Variants in SMG7 observed in about 807,000 individuals in gnomAD.
SMG7 encodes the protein SMG7 nonsense mediated mRNA decay factor.
Under a neutral mutation model 148.2 loss-of-function variants are expected in SMG7, and 34 were observed. The observed-to-expected ratio is 0.23, with a 90% CI of 0.17 to 0.31. The LOEUF is 0.31. Among genes scored for constraint, SMG7 ranks in the 10% least tolerant of loss-of-function variants. The probability of loss-of-function intolerance (pLI) is 1.00; values close to 1 mark genes in which losing one functional copy is unlikely to be tolerated. For synonymous variants in SMG7, 492 were observed against 515.1 expected (o/e 0.96, Z 0.61); for missense variants, 1,114 against 1,408.4 (o/e 0.79, Z 3.35).
At chr1:183,479,538 A>G (rs1048639719) in intron 1 of SMG7, among the ~76,000 whole-genome samples, 6 of 152,232 alleles carry the variant, frequency 3.9e-5, no homozygotes, top group Middle Eastern at 6.8e-3. Context: ...TAAGCCACAG[A>G]TTGGATTTTC....
chr1:183,539,488 C>T (rs1668411888), intron 12 of SMG7, among the ~76,000 whole-genome samples: 1 of 152,160 alleles, frequency 6.6e-6, no homozygotes, highest in South Asian at 2.1e-4. Context: ...TTAATCAAAT[C>T]CATCCCTATG....
chr1:183,517,285 C>T lies in SMG7; in HGVS notation c.180-403C>T, dbSNP rs535953129. Among the ~76,000 whole-genome samples the T allele has an allele frequency of 3.9e-5, 6 of 152,270 alleles. No individual in the cohort carries two copies. In the South Asian group the frequency reaches 1.0e-3, roughly 26 times the overall value. ...GGCTTACTATTTACAAAATCCCTGC[C>T]CCCATATACATGTCACTTGTTAGGG... On this transcript the variant is annotated intron_variant, in intron 3 of 22. Transcript: ENST00000688051.
At chr1:183,548,541 C>T (rs894085285) in intron 18 of SMG7, among the ~76,000 whole-genome samples, 8 of 151,826 alleles carry the variant, frequency 5.3e-5, no homozygotes, top group African/African-American at 2.4e-5. Context: ...AAAAAAACTT[C>T]GACTATAACC....
Position 183,551,284 on chromosome 1 carries a change from G to A in SMG7, c.3450+94G>A, listed in dbSNP as rs1210606852. 1.6e-5 allele frequency: 20 copies of A among 1,224,806 alleles called. No homozygotes were observed. The East Asian group carries it at 3.4e-4, about 21-fold the overall frequency. 75.9% of individuals were successfully genotyped at this position (1,224,806 alleles called of 1,614,324 possible). ...AAATAGCTAGACTTCTCAGGCCCTC[G>A]GAGTTGACTGATACATAGCACATAT... On this transcript the variant is annotated intron_variant, in intron 22 of 22. Coordinates refer to ENST00000688051, the MANE Select transcript of SMG7 (RefSeq NM_001375584.1).
Position 183,544,463 on chromosome 1 carries a change from C to G in SMG7, c.1953C>G (p.His651Gln). The G allele has an allele frequency of 1.2e-6, 2 of 1,613,944 alleles. No homozygotes were observed. The highest frequency in any genetic ancestry group is 1.7e-6 in the Non-Finnish European group (2 of 1,179,888). ...ACTCCCAGTTCATCCCCATTCATCACCCTGGAGCCTTCCCTCCTCTTCCCA... is the reference window on the plus strand; with the variant it reads ...ACTCCCAGTTCATCCCCATTCATCAGCCTGGAGCCTTCCCTCCTCTTCCCA... Reference protein sequence around the residue: ...ASNSQFIPIHHPGAFPPLPSR... With the variant: ...ASNSQFIPIHQPGAFPPLPSR... Residue 651 changes from histidine (H) to glutamine (Q), a missense_variant, in exon 15 of 23, where the codon CAC becomes CAG. By Grantham distance (24) the His-to-Gln change is conservative. Coordinates refer to ENST00000688051, the MANE Select transcript of SMG7 (RefSeq NM_001375584.1).
intron 22 of SMG7, 151 bp from the exon 23 acceptor site, chr1:183,551,667 T>C (rs1671076880): frequency 3.8e-6 from 2 of 531,446 alleles, no homozygotes; most frequent in African/African-American, 3.8e-5. Flanking sequence ...AAGAGTCTTA[T>C]AATGACTTTT....
At chr1:183,545,416 A>G in intron 16 of SMG7, 104 bp downstream of exon 16, 1 of 1,308,382 alleles carries the variant, frequency 7.6e-7, no homozygotes. Context: ...CTTCTTGCTT[A>G]GATTTATAGT....
chr1:183,478,520 G>A (rs540454860), intron 1 of SMG7, among the ~76,000 whole-genome samples: 30 of 152,014 alleles, frequency 2.0e-4, no homozygotes, highest in Non-Finnish European at 3.8e-4. Flanking sequence ...CCTATCTTAG[G>A]TTTCATTTCT....
chr1:183,493,952 T>C (rs911181266), intron 1 of SMG7, among the ~76,000 whole-genome samples: 15 of 152,144 alleles, frequency 9.9e-5, no homozygotes, highest in Non-Finnish European at 1.9e-4. Context: ...ATTATAGATT[T>C]ATCTATTTCT....
chr1:183,506,772 C>T (rs1400494263), intron 1 of SMG7, among the ~76,000 whole-genome samples: 2 of 151,672 alleles, frequency 1.3e-5, no homozygotes, highest in African/African-American at 4.8e-5. Context: ...CTGAATTCTG[C>T]TCAAAGGGGA....
intron 1 of SMG7, chr1:183,473,130 C>G (rs1557926890): frequency 5.9e-6 from 1 of 168,316 alleles, no homozygotes; most frequent in Non-Finnish European, 1.3e-5. Context: ...GGAGGGCAGA[C>G]AGGGGGAGAG....
intron 1 of SMG7, among the ~76,000 whole-genome samples, chr1:183,505,166 C>G (rs1004717323): frequency 2.0e-5 from 3 of 151,826 alleles, no homozygotes; most frequent in Admixed American, 2.0e-4. Context: ...ATCTCTGTCT[C>G]TTTACACAGT....
At chr1:183,507,660 G>T (rs1425057018) in intron 1 of SMG7, among the ~76,000 whole-genome samples, 1 of 152,076 alleles carries the variant, frequency 6.6e-6, no homozygotes, top group Admixed American at 6.5e-5. Flanking sequence ...GTACCTATAG[G>T]CACTATAATA....
At chr1:183,542,047 TA>T in intron 13 of SMG7, 28 bp from the exon 14 acceptor site, 1 of 1,558,572 alleles carries the variant, frequency 6.4e-7, no homozygotes. Context: ...TAATGTTTTT[TA>T]TATATGGATT....
intron 4 of SMG7, among the ~76,000 whole-genome samples, chr1:183,521,920 A>C (rs1393824594): frequency 6.6e-6 from 1 of 152,066 alleles, no homozygotes; most frequent in East Asian, 1.9e-4. Context: ...CAAAGGAAGA[A>C]CATGATCAGA....
intron 1 of SMG7, among the ~76,000 whole-genome samples, chr1:183,491,951 C>A (rs1267472951): frequency 6.6e-6 from 1 of 152,142 alleles, no homozygotes; most frequent in African/African-American, 2.4e-5. Context: ...GCAAAAAAGG[C>A]CGTACCTAAT....
At chr1:183,473,807 T>G (rs1027744782) in intron 1 of SMG7, 1 of 985,098 alleles carries the variant, frequency 1.0e-6, no homozygotes, top group African/African-American at 1.7e-5. Flanking sequence ...TTGGATGAGG[T>G]GGAAGTCTGA....
At chr1:183,512,445 TTGAA>T (rs1662356459) in intron 1 of SMG7, among the ~76,000 whole-genome samples, 1 of 152,000 alleles carries the variant, frequency 6.6e-6, no homozygotes, top group African/African-American at 2.4e-5. Context: ...GAGGGGAAAT[TTGAA>T]ATAGTTATGG....
chr1:183,502,411 G>A, intron 1 of SMG7: 2 of 1,517,804 alleles, frequency 1.3e-6, no homozygotes, highest in Non-Finnish European at 1.8e-6. Flanking sequence ...AAATTACAAG[G>A]GATTTCTACA....
Sources: gnomAD v4.1 joint callset for allele counts (sites outside exome capture counted in the v4.1 genomes callset) on GRCh38, gnomAD v4.1.1 for gene constraint, MANE v1.5 for transcripts, NCBI Gene and HGNC (gene_info 2026-07-23, HGNC 2026-07-21) for gene names.